AKAP19: variants seen among roughly 807,000 people sequenced by gnomAD.
The protein encoded by AKAP19 is A-kinase anchoring protein 19.
the AKAP19 span, among the ~76,000 whole-genome samples, chr2:189,889,179 T>C: frequency 1.2e-4 from 18 of 152,212 alleles, no homozygotes; most frequent in Admixed American, 1.2e-3. Context: ...CTTTTCTGCA[T>C]CTATTGAGAA....
chr2:190,015,420 A>G, the AKAP19 span, among the ~76,000 whole-genome samples: 1 of 152,134 alleles, frequency 6.6e-6, no homozygotes, highest in Non-Finnish European at 1.5e-5. Flanking sequence ...CATGGTTGGG[A>G]TGCAGGGTGC....
the AKAP19 span, among the ~76,000 whole-genome samples, chr2:189,974,610 G>A: frequency 6.6e-6 from 1 of 152,168 alleles, no homozygotes; most frequent in African/African-American, 2.4e-5. Context: ...TTGTGTGGGA[G>A]TCTAAGTCTC....
chr2:190,008,124 T>A, the AKAP19 span, among the ~76,000 whole-genome samples: 1 of 152,244 alleles, frequency 6.6e-6, no homozygotes, highest in African/African-American at 2.4e-5. Context: ...ACCGACTTTT[T>A]AAAATGTAAC....
At chr2:189,917,182 T>C in the AKAP19 span, 4 of 647,590 alleles carry the variant, frequency 6.2e-6, no homozygotes, top group South Asian at 7.5e-5. Context: ...AATACATCAA[T>C]GATGCAAGTT....
the AKAP19 span, among the ~76,000 whole-genome samples, chr2:190,102,531 AG>A: frequency 0.017 from 2,644 of 152,270 alleles, 71 homozygotes; most frequent in African/African-American, 0.059. Context: ...GAAATACAAA[AG>A]ATTCTCAGAG....
chr2:190,203,022 TA>T, the AKAP19 span: 1 of 155,292 alleles, frequency 6.4e-6, no homozygotes, highest in African/African-American at 2.9e-5. Context: ...ATAATCACCT[TA>T]GTCCCAAAGA....
the AKAP19 span, among the ~76,000 whole-genome samples, chr2:189,941,816 CAAT>C: frequency 2.0e-5 from 3 of 152,066 alleles, no homozygotes; most frequent in African/African-American, 7.2e-5. Flanking sequence ...AAGTCCTTAT[CAAT>C]AATAGCACTG....
chr2:190,073,017 C>T, the AKAP19 span, among the ~76,000 whole-genome samples: 1 of 151,914 alleles, frequency 6.6e-6, no homozygotes, highest in African/African-American at 2.4e-5. Flanking sequence ...GAGTCAGAAA[C>T]AGCAAAGTAA....
chr2:190,157,847 G>A, the AKAP19 span, among the ~76,000 whole-genome samples: 2 of 152,296 alleles, frequency 1.3e-5, no homozygotes, highest in African/African-American at 4.8e-5. Context: ...ATCAGGTCTT[G>A]AAAGTGAGGG....
At chr2:189,883,525 TG>T in the AKAP19 span, among the ~76,000 whole-genome samples, 619 of 145,804 alleles carry the variant, frequency 4.2e-3, 6 homozygotes, top group African/African-American at 0.016. Flanking sequence ...TTTTTTTTTT[TG>T]AGTGTCAGCA....
chr2:190,155,535 A>T, the AKAP19 span, among the ~76,000 whole-genome samples: 2 of 152,198 alleles, frequency 1.3e-5, no homozygotes, highest in Admixed American at 1.3e-4. Context: ...AGGAAGCTGA[A>T]TGGGGTGGGA....
the AKAP19 span, among the ~76,000 whole-genome samples, chr2:189,891,846 C>G: frequency 6.6e-6 from 1 of 152,082 alleles, no homozygotes; most frequent in East Asian, 1.9e-4. Flanking sequence ...TGGTTCTGTT[C>G]TGCCCATCAC....
chr2:190,159,658 G>A, the AKAP19 span, among the ~76,000 whole-genome samples: 1 of 152,102 alleles, frequency 6.6e-6, no homozygotes, highest in Non-Finnish European at 1.5e-5. Context: ...CATTCTTCTA[G>A]CCAACATGAT....
the AKAP19 span, among the ~76,000 whole-genome samples, chr2:189,949,717 C>T: frequency 3.3e-5 from 5 of 149,890 alleles, no homozygotes; most frequent in Admixed American, 1.3e-4. Flanking sequence ...CTGCAACCTC[C>T]GCCTCCCGGG....
chr2:189,942,483 C>T, the AKAP19 span, among the ~76,000 whole-genome samples: 1 of 152,132 alleles, frequency 6.6e-6, no homozygotes, highest in African/African-American at 2.4e-5. Context: ...AACAGCCTAA[C>T]ACAGAAAATT....
the AKAP19 span, among the ~76,000 whole-genome samples, chr2:189,976,977 C>G: frequency 6.6e-6 from 1 of 152,058 alleles, no homozygotes. Flanking sequence ...GGGCTGCACC[C>G]ACTGTCCTGC....
At chr2:190,115,780 G>A in the AKAP19 span, among the ~76,000 whole-genome samples, 1 of 152,136 alleles carries the variant, frequency 6.6e-6, no homozygotes, top group Non-Finnish European at 1.5e-5. Context: ...AGAATGAGGT[G>A]AGGAATGGGA....
the AKAP19 span, chr2:189,917,267 G>T: frequency 5.2e-6 from 7 of 1,350,464 alleles, no homozygotes; most frequent in East Asian, 1.5e-4. Flanking sequence ...TTCGCTGTCT[G>T]AGCAAATCAG....
the AKAP19 span, among the ~76,000 whole-genome samples, chr2:190,143,746 C>T: frequency 6.6e-6 from 1 of 151,090 alleles, no homozygotes; most frequent in Non-Finnish European, 1.5e-5. Flanking sequence ...GCATTATTCA[C>T]AATAGCAAAG....
Sources: gnomAD v4.1 joint callset for allele counts (sites outside exome capture counted in the v4.1 genomes callset) on GRCh38, gnomAD v4.1.1 for gene constraint, MANE v1.5 for transcripts, NCBI Gene and HGNC (gene_info 2026-07-23, HGNC 2026-07-21) for gene names.